The following PCDHGB2 variants were observed in gnomAD, a reference collection of about 807,000 sequenced individuals.
PCDHGB2 encodes the protein protocadherin gamma-B2.
A neutral mutation model predicts 59.3 loss-of-function variants in PCDHGB2; 55 were observed. That is an observed-to-expected ratio of 0.93 (90% CI 0.75 to 1.16). The LOEUF (loss-of-function observed/expected upper bound fraction) is 1.16, where lower values mean the gene tolerates loss of function less well. PCDHGB2 is among the 50% of genes most tolerant of loss of function. The pLI is 0.00. For missense variants in PCDHGB2, 1,228 were observed against 1,198.5 expected (o/e 1.02, Z -0.36); for synonymous variants, 516 against 512.0 (o/e 1.01, Z -0.11).
chr5:141,414,849 C>G (rs10038103), intron 1 of PCDHGB2: 1 of 1,614,134 alleles, frequency 6.2e-7, no homozygotes, highest in African/African-American at 1.3e-5. Flanking sequence ...TTGTGCTGGA[C>G]CAGAACGACA....
At chr5:141,465,889 G>A (rs956310325) in intron 1 of PCDHGB2, among the ~76,000 whole-genome samples, 4 of 152,056 alleles carry the variant, frequency 2.6e-5, no homozygotes, top group Admixed American at 6.5e-5. Context: ...TTGGGAGGCC[G>A]AGGCGGGCAA....
At chr5:141,394,955 C>A (rs2093135329) in intron 1 of PCDHGB2, 11 of 1,613,878 alleles carry the variant, frequency 6.8e-6, no homozygotes, top group Non-Finnish European at 8.5e-6. Context: ...TTCTGGGGCT[C>A]AGGCTGAGGC....
rs2099696598 is a variant in PCDHGB2, at chr5:141,490,144, A to C, written c.2422-4663A>C. The C allele has an allele frequency of 2.5e-6, 4 of 1,614,214 alleles. No homozygotes were observed. In the East Asian group the frequency reaches 6.7e-5, roughly 27 times the overall value. ...TGGCCTAGACCCTAGCAGTGGGGCA[A>C]TCCATGTGTTGGGTCCCATAGACTT... On this transcript the variant is annotated intron_variant, in intron 1 of 3. Transcript: ENST00000522605. The surrounding 1 kb of genome is among the most constrained non-coding windows in gnomAD (Gnocchi z 5.4).
intron 1 of PCDHGB2, chr5:141,384,443 A>T: frequency 6.2e-7 from 1 of 1,614,030 alleles, no homozygotes; most frequent in Non-Finnish European, 8.5e-7. Context: ...GGAGTCCTGT[A>T]CGCGCTGCAA....
At position 141,361,539 on chromosome 5, in the gene PCDHGB2, C is replaced by T. The variant is rs754978831; in HGVS notation, c.1404C>T (p.Gly468=). 1.2e-6 allele frequency: 2 copies of T among 1,614,028 alleles called. No homozygotes were observed. Among genetic ancestry groups the T allele is most frequent in the South Asian group, 1.1e-5 (1 of 91,086 alleles). Residue 468 remains glycine, a synonymous_variant, in exon 1 of 4, where the codon GGC becomes GGT. Coordinates refer to ENST00000522605, the MANE Select transcript of PCDHGB2 (RefSeq NM_018923.3). ...ACGTGGCAGAGAACAATCCTCCTGG[C>T]GCCTCTATCGCTCAAATCAGTGCCT... ...MVHVAENNPP[G]ASIAQISASD... is the part of the protein sequence containing the mutation.
At chr5:141,388,798 TA>T in intron 1 of PCDHGB2, 3 of 1,613,888 alleles carry the variant, frequency 1.9e-6, no homozygotes, top group Non-Finnish European at 2.5e-6. Flanking sequence ...TTAAATACAT[TA>T]GATTTTGAAG....
Position 141,365,799 on chromosome 5 carries a change from C to T in PCDHGB2, c.2421+3243C>T, listed in dbSNP as rs755374983. 8 of 1,613,942 alleles carry T rather than the reference C, an allele frequency of 5.0e-6. No individual in the cohort carries two copies. The Admixed American group carries it at 6.7e-5, about 13-fold the overall frequency. ...GGCGACAACGCTCGAGTCACCTACT[C>T]CCTGGCTGAAGACACATTTCAGGGG... On this transcript the variant is annotated intron_variant, in intron 1 of 3. Transcript: ENST00000522605.
At chr5:141,499,212 G>A (rs904920940) in intron 2 of PCDHGB2, among the ~76,000 whole-genome samples, 1 of 151,898 alleles carries the variant, frequency 6.6e-6, no homozygotes, top group African/African-American at 2.4e-5. Context: ...TGTAACCCAG[G>A]CCCTGCCCTG....
chr5:141,470,538 A>G (rs2099232733), intron 1 of PCDHGB2, among the ~76,000 whole-genome samples: 1 of 152,140 alleles, frequency 6.6e-6, no homozygotes, highest in African/African-American at 2.4e-5. Context: ...GTATCAGGTA[A>G]TATTTATTGA....
intron 2 of PCDHGB2, among the ~76,000 whole-genome samples, chr5:141,498,618 G>A (rs191513899): frequency 1.3e-5 from 2 of 152,220 alleles, no homozygotes; most frequent in East Asian, 3.9e-4. Context: ...TCAGCACTGG[G>A]TCACACTGCC....
At chr5:141,393,491 G>C in intron 1 of PCDHGB2, 1 of 1,614,026 alleles carries the variant, frequency 6.2e-7, no homozygotes, top group Non-Finnish European at 8.5e-7. Flanking sequence ...CTAGCACAGT[G>C]CGCATCCACG....
chr5:141,413,137 T>C, intron 1 of PCDHGB2: 1 of 1,550,612 alleles, frequency 6.4e-7, no homozygotes, highest in Non-Finnish European at 8.7e-7. Flanking sequence ...ACACAACGTG[T>C]CCAGTGAGGA....
At chr5:141,402,765 C>T (rs2150942715) in intron 1 of PCDHGB2, among the ~76,000 whole-genome samples, 1 of 152,322 alleles carries the variant, frequency 6.6e-6, no homozygotes, top group Admixed American at 6.5e-5. Flanking sequence ...ATCAGGACTC[C>T]ATCCGGATTT....
At position 141,375,584 on chromosome 5, in the gene PCDHGB2, C is replaced by T. The variant is rs555182663; in HGVS notation, c.2421+13028C>T. The stretch of plus-strand genomic sequence containing the variant: ...AGAAGACACCCTCCAGGGGGCGCCC[C>T]TGTCCTCCTACGTGTCCATCAACTC... On this transcript the variant is annotated intron_variant, in intron 1 of 3. Coordinates refer to ENST00000522605, the MANE Select transcript of PCDHGB2 (RefSeq NM_018923.3). 2.3e-5 allele frequency: 37 copies of T among 1,614,178 alleles called. 2 individuals carry two copies. The South Asian group carries it at 3.8e-4, about 17-fold the overall frequency.
At chr5:141,410,281 G>A (rs368378842) in intron 1 of PCDHGB2, 33 of 1,613,938 alleles carry the variant, frequency 2.0e-5, no homozygotes, top group Non-Finnish European at 2.0e-5. Context: ...TTTACCTGGT[G>A]GTGGCCTTGG....
intron 1 of PCDHGB2, 162 bp from the exon 2 acceptor site, chr5:141,494,645 G>A: frequency 1.1e-6 from 1 of 935,948 alleles, no homozygotes. Flanking sequence ...GAGACCTGAG[G>A]TGTATTTTGT....
chr5:141,361,434 C>T lies in PCDHGB2; in HGVS notation c.1299C>T (p.Ser433=). The T allele has an allele frequency of 6.2e-7, 1 of 1,614,066 alleles. No individual in the cohort carries two copies. Among genetic ancestry groups the T allele is most frequent in the Non-Finnish European group, 8.5e-7 (1 of 1,179,906 alleles). Residue 433 remains serine, a synonymous_variant, in exon 1 of 4, where the codon TCC becomes TCT. Coordinates refer to ENST00000522605, the MANE Select transcript of PCDHGB2 (RefSeq NM_018923.3). ...CCGACGGGGGCAAGCCGCCCCTCTC[C>T]TCCAGCATAATTGTCACCCTGCACA... The part of the protein sequence containing the change: ...TATDGGKPPL[S]SSIIVTLHIS...
At position 141,491,724 on chromosome 5, in the gene PCDHGB2, G is replaced by A; in HGVS notation, c.2422-3083G>A. ...AGGTGAGGGGCTCGGCGCCGCCCCGGGCGACCCCTGGGGGCGGCACTGGAG... is the reference window on the plus strand; with the variant it reads ...AGGTGAGGGGCTCGGCGCCGCCCCGAGCGACCCCTGGGGGCGGCACTGGAG... On this transcript the variant is annotated intron_variant, in intron 1 of 3. Coordinates refer to ENST00000522605, the MANE Select transcript of PCDHGB2 (RefSeq NM_018923.3). This position sits in a 1 kb window ranked among gnomAD's most constrained non-coding sequence, Gnocchi z 6.9. 1 of 1,606,454 alleles carries A rather than the reference G, an allele frequency of 6.2e-7. No individual in the cohort carries two copies. The highest frequency in any genetic ancestry group is 1.1e-5 in the South Asian group (1 of 90,304).
rs372054375 is a variant in PCDHGB2, at chr5:141,490,825, A to T, written c.2422-3982A>T. 9 of 1,613,692 alleles carry T rather than the reference A, an allele frequency of 5.6e-6. No individual in the cohort carries two copies. The highest frequency in any genetic ancestry group is 3.3e-4 in the Middle Eastern group (2 of 6,062). On this transcript the variant is annotated intron_variant, in intron 1 of 3. Transcript: ENST00000522605. This position sits in a 1 kb window ranked among gnomAD's most constrained non-coding sequence, Gnocchi z 5.4. ...TACCTTTGACTATGAATTGCTGCAG[A>T]TGCTGCAGATTGTGGTGGGGGTTCG... is the stretch of plus-strand genomic sequence containing the variant.
Sources: allele counts gnomAD v4.1 joint callset (sites outside exome capture counted in the v4.1 genomes callset), GRCh38; gene constraint gnomAD v4.1.1; non-coding constraint Gnocchi (gnomAD v3.1); transcripts MANE v1.5; gene names NCBI Gene and HGNC (gene_info 2026-07-23, HGNC 2026-07-21).